The following HERC2 variants were observed in gnomAD, a reference collection of about 807,000 sequenced individuals.
HERC2 encodes E3 ubiquitin-protein ligase HERC2.
Under a neutral mutation model 537.7 loss-of-function variants are expected in HERC2, and 102 were observed. The observed-to-expected ratio is 0.19, with a 90% confidence interval of 0.16 to 0.22. HERC2 has a LOEUF of 0.22. Ranked by LOEUF, HERC2 falls within the 10% of genes least tolerant of loss-of-function variation. HERC2 has a pLI of 1.00. For synonymous variants in HERC2, 2,224 were observed against 2,466.2 expected, an observed-to-expected ratio of 0.90 and a Z score of 2.91; for missense variants, 4,236 against 6,198.2, an observed-to-expected ratio of 0.68 and a Z score of 10.63.
intron 78 of HERC2, among the ~76,000 whole-genome samples, chr15:28,138,296 C>T (rs545670739): frequency 6.6e-6 from 1 of 152,122 alleles, no homozygotes; most frequent in East Asian, 1.9e-4. Context: ...ATGGAACAAC[C>T]GTCTATTGGA....
chr15:28,190,011 C>CTT (rs72036273), intron 55 of HERC2, among the ~76,000 whole-genome samples: 16,840 of 137,736 alleles, frequency 0.12, 3,522 homozygotes, highest in African/African-American at 0.43. Context: ...TTCTTTCTTT[C>CTT]TTTTTTTTTT....
Position 28,176,496 on chromosome 15 carries a change from C to G in HERC2, c.9618G>C (p.Gly3206=), listed in dbSNP as rs749272287. Residue 3206 remains glycine (G), a synonymous_variant, in exon 63 of 93, where the codon GGG becomes GGC. Transcript: ENST00000261609. This position sits in a 1 kb window ranked among gnomAD's most constrained non-coding sequence, Gnocchi z 5.0. ...GAGCTCCACACTCAATCTGGCACAC[C>G]CCCTGTCCATTTAGTCTCTCAATGT... ...PQNIERLNGQ[G]VCQIECGAQF... is the part of the protein sequence containing the mutation. The G allele has an allele frequency of 1.2e-5, 20 of 1,614,074 alleles. No individual in the cohort carries two copies. In the African/African-American group the frequency reaches 1.3e-4, roughly 11 times the overall value.
intron 56 of HERC2, 63 bp downstream of exon 56, chr15:28,186,514 C>T (rs922917478): frequency 5.9e-6 from 8 of 1,358,404 alleles, no homozygotes; most frequent in African/African-American, 4.3e-5. Context: ...TGTTTCCTTT[C>T]GAAAGTGAGG....
chr15:28,217,620 G>T (rs1254109977), intron 38 of HERC2, among the ~76,000 whole-genome samples: 3 of 152,290 alleles, frequency 2.0e-5, no homozygotes, highest in Admixed American at 2.0e-4. Context: ...AACTGTGCCT[G>T]TCCCCCAACT....
Position 28,130,560 on chromosome 15 carries a change from A to G in HERC2, c.12605T>C (p.Val4202Ala), listed in dbSNP as rs866490665. The change falls in exon 82 of 93, where the codon GTG becomes GCG. Residue 4202 changes from valine (V) to alanine (A), a missense_variant. Coordinates refer to ENST00000261609, the MANE Select transcript of HERC2 (RefSeq NM_004667.6). ...DSLTGLGVVK[V>A]ECGSQFSVAL... ...AACAGAAAACTGGGATCCGCATTCCACTTTAACTACTCCAAGACCAGTAAG... is the reference window on the plus strand; with the variant it reads ...AACAGAAAACTGGGATCCGCATTCCGCTTTAACTACTCCAAGACCAGTAAG... 10 of 1,614,050 alleles carry G rather than the reference A, an allele frequency of 6.2e-6. No homozygotes were observed. In the African/African-American group the frequency reaches 9.3e-5, roughly 15 times the overall value.
chr15:28,163,379 A>T, intron 68 of HERC2, 94 bp from the exon 69 acceptor site: 1 of 1,126,438 alleles, frequency 8.9e-7, no homozygotes, highest in South Asian at 1.5e-5. Context: ...GAACACATGA[A>T]TACCAACGAG....
chr15:28,143,479 GCT>G (rs1401949013), intron 74 of HERC2, among the ~76,000 whole-genome samples: 3 of 151,758 alleles, frequency 2.0e-5, no homozygotes, highest in Non-Finnish European at 4.4e-5. Flanking sequence ...ATGGAGTCTC[GCT>G]CTGTCACCAG....
intron 83 of HERC2, among the ~76,000 whole-genome samples, chr15:28,128,660 C>A (rs1011335348): frequency 6.6e-6 from 1 of 152,208 alleles, no homozygotes; most frequent in Admixed American, 6.5e-5. Flanking sequence ...AGATGGCGCC[C>A]ACGTTTTTCA....
At chr15:28,186,860 T>TGTGTA in intron 55 of HERC2, 108 bp from the exon 56 acceptor site, 1 of 647,994 alleles carries the variant, frequency 1.5e-6, no homozygotes, top group East Asian at 2.7e-5. Flanking sequence ...CGGTTAGAGC[T>TGTGTA]CCTTTACTTC....
At chr15:28,301,729 GTA>G (rs1267273788) in intron 2 of HERC2, among the ~76,000 whole-genome samples, 15 of 37,898 alleles carry the variant, frequency 4.0e-4, no homozygotes, top group African/African-American at 1.1e-3. Context: ...CTAGTTGTAT[GTA>G]TGTGTATATA....
rs1297062378 is a variant in HERC2 at position 28,233,541 on chromosome 15, C to T, written c.4372G>A (p.Val1458Ile). 3 of 1,611,770 alleles carry T rather than the reference C, an allele frequency of 1.9e-6. No individual in the cohort carries two copies. Among genetic ancestry groups the T allele is most frequent in the East Asian group, 2.2e-5 (1 of 44,890 alleles). Residue 1458 changes from valine (V) to isoleucine (I), a missense_variant, in exon 29 of 93, where the codon GTT becomes ATT. Around this residue, in one of 27 missense-constraint regions of HERC2, gnomAD observed 94 missense variants for 174.9 expected, o/e 0.54. Coordinates refer to ENST00000261609, the MANE Select transcript of HERC2 (RefSeq NM_004667.6). ...EDLGHVALSLVHAGALGIEQV... is the reference protein window; with the variant it reads ...EDLGHVALSLIHAGALGIEQV... ...TCAATACCAAGTGCACCTGCATGAA[C>T]TAAAGATAATGCCACATGACCTGTA...
chr15:28,168,120 T>C (rs1464247486), intron 67 of HERC2, among the ~76,000 whole-genome samples: 5 of 152,228 alleles, frequency 3.3e-5, no homozygotes, highest in Admixed American at 6.5e-5. Flanking sequence ...GAGTTGGTTC[T>C]TTCCCCCAAA....
At chr15:28,136,140 T>G (rs1291194891) in intron 78 of HERC2, among the ~76,000 whole-genome samples, 4 of 152,006 alleles carry the variant, frequency 2.6e-5, no homozygotes, top group Non-Finnish European at 4.4e-5. Flanking sequence ...TTTTTTTTTT[T>G]AATCTAAGTG....
At chr15:28,312,638 A>C (rs573859626) in intron 2 of HERC2, 1 of 168,862 alleles carries the variant, frequency 5.9e-6, no homozygotes, top group South Asian at 1.9e-4. Flanking sequence ...AAAAAAAATA[A>C]AATAAAATAA....
chr15:28,147,385 T>C (rs566972005), intron 70 of HERC2, among the ~76,000 whole-genome samples: 2 of 152,344 alleles, frequency 1.3e-5, no homozygotes, highest in African/African-American at 4.8e-5. Flanking sequence ...TCTTAGCACT[T>C]CGGGAGGCCG....
intron 66 of HERC2, among the ~76,000 whole-genome samples, chr15:28,168,997 T>C (rs2140097466): frequency 6.6e-6 from 1 of 152,336 alleles, no homozygotes; most frequent in African/African-American, 2.4e-5. Context: ...TGAATGACTG[T>C]TTTTGTTCTG....
At chr15:28,228,933 G>A (rs1051208779) in intron 34 of HERC2, among the ~76,000 whole-genome samples, 2 of 152,110 alleles carry the variant, frequency 1.3e-5, no homozygotes, top group Non-Finnish European at 2.9e-5. Context: ...TATTAATATA[G>A]GACACAGACA....
At chr15:28,272,454 A>C in intron 8 of HERC2, 68 bp from the exon 9 acceptor site, 3 of 1,358,416 alleles carry the variant, frequency 2.2e-6, no homozygotes, top group South Asian at 1.3e-5. Context: ...TTGATCAAAA[A>C]TAAAAGCAAA....
rs1891227042 is a variant in HERC2 at position 28,141,573 on chromosome 15, T to A, written c.11874A>T (p.Gly3958=). 6.2e-7 allele frequency: 1 copy of A among 1,613,976 alleles called. No homozygotes were observed. The highest frequency in any genetic ancestry group is 1.1e-5 in the South Asian group (1 of 91,078). The change falls in exon 78 of 93, where the codon GGA becomes GGT. Residue 3958 remains glycine, a synonymous_variant. Transcript: ENST00000261609. Reference sequence around the variant, plus strand: ...CCCCGAGCTGGCCCCTGTGATTATGTCCCCATCCATAAATTGTTCCACTGC... The same window carrying A: ...CCCCGAGCTGGCCCCTGTGATTATGACCCCATCCATAAATTGTTCCACTGC... ...AGGSGTIYGW[G]HNHRGQLGGI... is the part of the protein sequence containing the mutation.
Sources: allele counts gnomAD v4.1 joint callset (sites outside exome capture counted in the v4.1 genomes callset), GRCh38; gene constraint gnomAD v4.1.1; regional missense constraint gnomAD v4.1.1; non-coding constraint Gnocchi (gnomAD v3.1); transcripts MANE v1.5; gene names NCBI Gene and HGNC (gene_info 2026-07-23, HGNC 2026-07-21).